ISLR2: variants seen among roughly 807,000 people sequenced by gnomAD.
ISLR2 encodes the protein immunoglobulin superfamily containing leucine-rich repeat protein 2.
Under a neutral mutation model 25.5 loss-of-function variants are expected in ISLR2, and 16 were observed. The observed-to-expected ratio is 0.63, with a 90% CI of 0.43 to 0.95. The LOEUF (loss-of-function observed/expected upper bound fraction) is 0.95. Ranked by LOEUF, ISLR2 falls within the 40% of genes least tolerant of loss-of-function variation. ISLR2 has a pLI of 0.00. For missense variants in ISLR2, 883 were observed against 1,030.7 expected, an observed-to-expected ratio of 0.86 and a Z score of 1.96; for synonymous variants, 508 against 486.6, an observed-to-expected ratio of 1.04 and a Z score of -0.58.
intron 2 of ISLR2, among the ~76,000 whole-genome samples, chr15:74,107,352 G>A (rs2072129182): frequency 6.6e-6 from 1 of 152,218 alleles, no homozygotes; most frequent in Non-Finnish European, 1.5e-5. Flanking sequence ...TCAGTCATGG[G>A]CTGTGACCAG....
chr15:74,128,367 A>C (rs1328352896), upstream of ISLR2: 1 of 439,208 alleles, frequency 2.3e-6, no homozygotes, highest in African/African-American at 2.1e-5. Flanking sequence ...CTGTAGAGTG[A>C]GCTAGAGCCT....
chr15:74,124,615 G>A (rs553181678), upstream of ISLR2, among the ~76,000 whole-genome samples: 95 of 152,134 alleles, frequency 6.2e-4, 1 homozygote, highest in African/African-American at 2.1e-3. Context: ...AAAAACTAGC[G>A]GGGTGTGGTG....
chr15:74,103,427 C>T (rs894683918), intron 1 of ISLR2, among the ~76,000 whole-genome samples: 1 of 146,858 alleles, frequency 6.8e-6, no homozygotes, highest in Non-Finnish European at 1.5e-5. Flanking sequence ...ACATGTCGAA[C>T]CCCATGTGTA....
At chr15:74,114,864 C>T (rs2072198980) in intron 2 of ISLR2, among the ~76,000 whole-genome samples, 1 of 152,014 alleles carries the variant, frequency 6.6e-6, no homozygotes, top group African/African-American at 2.4e-5. Context: ...GGAGGGAAAT[C>T]CAAAGTCCAG....
chr15:74,108,444 C>A (rs973262334), intron 2 of ISLR2, among the ~76,000 whole-genome samples: 1 of 152,152 alleles, frequency 6.6e-6, no homozygotes, highest in Non-Finnish European at 1.5e-5. Context: ...GATGAGCCCT[C>A]CCTGAGGCTT....
upstream of ISLR2, chr15:74,128,582 A>C: frequency 2.2e-6 from 1 of 456,702 alleles, no homozygotes; most frequent in Non-Finnish European, 4.4e-6. Flanking sequence ...CTCTGGGCAG[A>C]TAGCGAGCCC....
At chr15:74,123,099 G>A (rs1174397369) in intron 2 of ISLR2, among the ~76,000 whole-genome samples, 2 of 152,038 alleles carry the variant, frequency 1.3e-5, no homozygotes, top group African/African-American at 4.8e-5. Context: ...TGCCCCAACC[G>A]CCCCTGAATC....
At chr15:74,139,219 G>A (rs950713647), downstream of ISLR2, among the ~76,000 whole-genome samples, 3 of 152,148 alleles carry the variant, frequency 2.0e-5, no homozygotes, top group Non-Finnish European at 4.4e-5. Context: ...ATGAATACGT[G>A]TTGGAGGCCA....
At chr15:74,109,514 A>G (rs2072149273) in intron 2 of ISLR2, among the ~76,000 whole-genome samples, 1 of 152,256 alleles carries the variant, frequency 6.6e-6, no homozygotes, top group Non-Finnish European at 1.5e-5. Flanking sequence ...CTCCTGCCCA[A>G]AAGTGTGCTG....
intron 1 of ISLR2, among the ~76,000 whole-genome samples, chr15:74,102,107 C>G (rs1046273822): frequency 6.9e-6 from 1 of 145,826 alleles, no homozygotes; most frequent in African/African-American, 2.6e-5. Flanking sequence ...GTAATCCCAG[C>G]CTCAGGAGAC....
At chr15:74,102,822 T>G (rs1048236533) in intron 1 of ISLR2, among the ~76,000 whole-genome samples, 50 of 151,444 alleles carry the variant, frequency 3.3e-4, no homozygotes, top group Non-Finnish European at 5.6e-4. Flanking sequence ...AGGATTTTTT[T>G]TTTTGAGTCA....
At chr15:74,120,283 C>G (rs1050481144) in intron 2 of ISLR2, among the ~76,000 whole-genome samples, 3 of 152,110 alleles carry the variant, frequency 2.0e-5, no homozygotes, top group African/African-American at 4.8e-5. Flanking sequence ...AGGATGAAGA[C>G]AGATGGGGAA....
chr15:74,120,046 T>G (rs1339348463), intron 2 of ISLR2, among the ~76,000 whole-genome samples: 1 of 152,126 alleles, frequency 6.6e-6, no homozygotes. Flanking sequence ...AGCTCTCCAT[T>G]TAGATTGACA....
At chr15:74,117,461 G>C (rs1263298945) in intron 2 of ISLR2, among the ~76,000 whole-genome samples, 2 of 152,048 alleles carry the variant, frequency 1.3e-5, no homozygotes, top group Admixed American at 6.5e-5. Context: ...CAGGAGGATT[G>C]CTTGAGCTCA....
intron 2 of ISLR2, among the ~76,000 whole-genome samples, chr15:74,122,589 T>A (rs975843420): frequency 2.0e-5 from 3 of 152,230 alleles, no homozygotes; most frequent in Non-Finnish European, 2.9e-5. Context: ...TCCCCTTCTC[T>A]CTTCTGGTTG....
At chr15:74,109,466 G>A (rs1328509208) in intron 2 of ISLR2, among the ~76,000 whole-genome samples, 1 of 152,178 alleles carries the variant, frequency 6.6e-6, no homozygotes, top group Non-Finnish European at 1.5e-5. Flanking sequence ...ACAACCCCAG[G>A]GGCAGGAGCA....
At chr15:74,128,735 A>G (rs758893488), upstream of ISLR2, 252 of 446,720 alleles carry the variant, frequency 5.6e-4, 2 homozygotes, top group South Asian at 1.3e-3. Flanking sequence ...TGGACACGCC[A>G]TGCCGGACCG....
chr15:74,127,096 T>C (rs2072308490), upstream of ISLR2: 1 of 152,120 alleles, frequency 6.6e-6, no homozygotes, highest in South Asian at 2.1e-4. Context: ...CCGGCTTTCT[T>C]ATTCTCAGAG....
chr15:74,108,133 TA>T (rs755851130), intron 2 of ISLR2, among the ~76,000 whole-genome samples: 1 of 152,100 alleles, frequency 6.6e-6, no homozygotes, highest in Non-Finnish European at 1.5e-5. Flanking sequence ...ACTGAGTCCA[TA>T]AGGGAGGGTT....
Sources: gnomAD v4.1 joint callset for allele counts (sites outside exome capture counted in the v4.1 genomes callset) on GRCh38, gnomAD v4.1.1 for gene constraint, MANE v1.5 for transcripts, NCBI Gene and HGNC (gene_info 2026-07-23, HGNC 2026-07-21) for gene names.